Variants in RAD17 observed in about 807,000 individuals in gnomAD.
RAD17 encodes the protein cell cycle checkpoint protein RAD17.
A neutral mutation model predicts 81.5 loss-of-function variants in RAD17; 31 were observed. That is an observed-to-expected ratio of 0.38 (90% CI 0.29 to 0.51). The LOEUF is 0.51. Among genes scored for constraint, RAD17 ranks in the 20% least tolerant of loss-of-function variants. The pLI is 0.88. For missense variants in RAD17, 681 were observed against 781.2 expected, an observed-to-expected ratio of 0.87 and a Z score of 1.53; for synonymous variants, 261 against 266.2, an observed-to-expected ratio of 0.98 and a Z score of 0.19.
At chr5:69,388,257 T>C (rs1183971621) in intron 11 of RAD17, among the ~76,000 whole-genome samples, 1 of 152,156 alleles carries the variant, frequency 6.6e-6, no homozygotes, top group Non-Finnish European at 1.5e-5. Context: ...AAGAAATAAT[T>C]GGTGTAATTA....
intron 17 of RAD17, among the ~76,000 whole-genome samples, chr5:69,400,948 A>G (rs1241236053): frequency 6.6e-6 from 1 of 151,872 alleles, no homozygotes. Flanking sequence ...AACAAAAAGC[A>G]TCAGATGATA....
intron 6 of RAD17, among the ~76,000 whole-genome samples, chr5:69,375,678 C>G (rs1297646719): frequency 2.6e-5 from 4 of 152,002 alleles, no homozygotes; most frequent in Non-Finnish European, 5.9e-5. Flanking sequence ...TACCATTATT[C>G]TCTCTAACAA....
Position 69,376,226 on chromosome 5 carries a change from C to T in RAD17, c.351+1515C>T, listed in dbSNP as rs77977212. Among the ~76,000 whole-genome samples the T allele has an allele frequency of 2.6e-3, 400 of 152,328 alleles. 1 individual carries two copies. Among genetic ancestry groups the T allele is most frequent in the African/African-American group, 9.4e-3 (391 of 41,580 alleles). On this transcript the variant is annotated intron_variant, in intron 6 of 18. Coordinates refer to ENST00000354868, the MANE Select transcript of RAD17 (RefSeq NM_133338.3). ...CATAATCCATGGGGAGATACCGTGG[C>T]AGCATGTGAGTGCCCAGTTCTCCAT... is the stretch of plus-strand genomic sequence containing the variant.
intron 18 of RAD17, among the ~76,000 whole-genome samples, chr5:69,411,474 G>A (rs938493905): frequency 2.5e-4 from 38 of 152,250 alleles, no homozygotes; most frequent in African/African-American, 8.4e-4. Context: ...TGATAGAAAT[G>A]GCACCTCTGA....
rs1174188136 is a variant in RAD17 at position 69,408,499 on chromosome 5, CTAAT to C, written c.1694-1991_1694-1988del. On this transcript the variant is annotated intron_variant, in intron 17 of 18. Coordinates refer to ENST00000354868, the MANE Select transcript of RAD17 (RefSeq NM_133338.3). Reference sequence around the variant, plus strand: ...CTTTGTTATCACACTGTTGGCTACCCTAATTACTTTTTTTTTTTTTTTTTTTTTT... The same window carrying C: ...CTTTGTTATCACACTGTTGGCTACCCTACTTTTTTTTTTTTTTTTTTTTTT... Among the ~76,000 whole-genome samples the C allele has an allele frequency of 1.5e-4, 21 of 140,422 alleles. No homozygotes were observed. The East Asian group carries it at 4.4e-3, about 29-fold the overall frequency. The allele number at this position is 140,422 out of a possible 152,430, so 92.1% of individuals were successfully genotyped here. A position where few individuals can be genotyped will look rare whatever the true frequency, so the allele number is the denominator to read the frequency against.
At chr5:69,373,795 T>A (rs940845695) in intron 4 of RAD17, 35 bp from the exon 5 acceptor site, 2 of 1,566,932 alleles carry the variant, frequency 1.3e-6, no homozygotes, top group Non-Finnish European at 1.7e-6. Context: ...TGGGAGAAAA[T>A]GTGATTATAT....
chr5:69,378,723 AATG>A (rs1763664928), intron 6 of RAD17, among the ~76,000 whole-genome samples: 1 of 152,220 alleles, frequency 6.6e-6, no homozygotes, highest in African/African-American at 2.4e-5. Context: ...TGCTTCAATT[AATG>A]ATGGGGATAC....
At chr5:69,377,045 C>T (rs373847980) in intron 6 of RAD17, among the ~76,000 whole-genome samples, 131 of 152,252 alleles carry the variant, frequency 8.6e-4, no homozygotes, top group African/African-American at 2.9e-3. Context: ...TGAGTCATCA[C>T]GCCCAGCCAA....
chr5:69,392,779 A>C, intron 13 of RAD17: 1 of 450,660 alleles, frequency 2.2e-6, no homozygotes. Flanking sequence ...AGTGAATGGA[A>C]TTCGTATTCT....
chr5:69,400,777 TA>T (rs543976867), intron 17 of RAD17, among the ~76,000 whole-genome samples: 1 of 151,662 alleles, frequency 6.6e-6, no homozygotes, highest in Non-Finnish European at 1.5e-5. Context: ...CTACTAAAAA[TA>T]AAAAAATTAG....
intron 4 of RAD17, among the ~76,000 whole-genome samples, chr5:69,372,840 G>A (rs534651269): frequency 7.1e-4 from 108 of 152,052 alleles, no homozygotes; most frequent in African/African-American, 2.2e-3. Flanking sequence ...CAAACTCCTG[G>A]GCTCAGCAAT....
At chr5:69,380,814 A>T (rs947460689) in intron 6 of RAD17, among the ~76,000 whole-genome samples, 1 of 148,978 alleles carries the variant, frequency 6.7e-6, no homozygotes, top group African/African-American at 2.5e-5. Flanking sequence ...AATGTGCAGG[A>T]TGGAGTGCAG....
At chr5:69,402,172 A>G (rs1399880318) in intron 17 of RAD17, among the ~76,000 whole-genome samples, 3 of 150,294 alleles carry the variant, frequency 2.0e-5, no homozygotes, top group Non-Finnish European at 3.0e-5. Context: ...CTCAGCCTCC[A>G]AAGTAGCTGG....
At chr5:69,387,160 GT>G (rs1196546759) in intron 11 of RAD17, among the ~76,000 whole-genome samples, 1 of 152,022 alleles carries the variant, frequency 6.6e-6, no homozygotes, top group Non-Finnish European at 1.5e-5. Flanking sequence ...CCTGGCTCAA[GT>G]GATCCTCCCT....
intron 17 of RAD17, among the ~76,000 whole-genome samples, chr5:69,401,102 C>A (rs184506875): frequency 6.6e-6 from 1 of 152,044 alleles, no homozygotes; most frequent in Non-Finnish European, 1.5e-5. Context: ...CCCAGCCACT[C>A]GGGAGGCTGA....
intron 16 of RAD17, among the ~76,000 whole-genome samples, chr5:69,399,806 C>A (rs1475242104): frequency 6.6e-6 from 1 of 151,986 alleles, no homozygotes; most frequent in African/African-American, 2.4e-5. Context: ...CATTCAATGT[C>A]TTTTAAAAAT....
chr5:69,384,535 T>G (rs1032438365), intron 7 of RAD17, among the ~76,000 whole-genome samples: 1 of 152,166 alleles, frequency 6.6e-6, no homozygotes, highest in Non-Finnish European at 1.5e-5. Flanking sequence ...AGGTTGCTCT[T>G]GAATTCCTGA....
chr5:69,396,297 C>T, intron 15 of RAD17, 100 bp from the exon 16 acceptor site: 3 of 1,289,050 alleles, frequency 2.3e-6, no homozygotes, highest in Non-Finnish European at 3.2e-6. Context: ...AAAGTGAACA[C>T]ATAGAAACTA....
chr5:69,394,659 G>A (rs1764771549), intron 15 of RAD17, among the ~76,000 whole-genome samples: 1 of 152,130 alleles, frequency 6.6e-6, no homozygotes, highest in Non-Finnish European at 1.5e-5. Context: ...ACTGCATGTG[G>A]CTGATGGCTA....
Sources: gnomAD v4.1 joint callset for allele counts (sites outside exome capture counted in the v4.1 genomes callset) on GRCh38, gnomAD v4.1.1 for gene constraint, MANE v1.5 for transcripts, NCBI Gene and HGNC (gene_info 2026-07-23, HGNC 2026-07-21) for gene names.